The following MAML2 variants were observed in gnomAD, a reference collection of about 807,000 sequenced individuals.
MAML2 encodes mastermind like transcriptional coactivator 2, also known as mastermind-like protein 2.
A neutral mutation model predicts 96.1 loss-of-function variants in MAML2; 22 were observed. The observed-to-expected ratio is 0.23, with a 90% CI of 0.16 to 0.33. MAML2 has a LOEUF of 0.33. MAML2 is among the 10% of genes least tolerant of loss of function. The pLI, the probability that MAML2 is intolerant of heterozygous loss-of-function variation, is 1.00. For missense variants in MAML2, 1,367 were observed against 1,392.4 expected (o/e 0.98, Z 0.29); for synonymous variants, 561 against 521.3 (o/e 1.08, Z -1.04).
intron 1 of MAML2, among the ~76,000 whole-genome samples, chr11:96,108,672 C>A (rs1452701127): frequency 2.6e-5 from 4 of 152,062 alleles, no homozygotes; most frequent in African/African-American, 9.7e-5. Context: ...GCTATTAAAT[C>A]CTTACAACAA....
chr11:96,339,190 CAG>C (rs1863956965), intron 1 of MAML2, among the ~76,000 whole-genome samples: 1 of 152,176 alleles, frequency 6.6e-6, no homozygotes, highest in Non-Finnish European at 1.5e-5. Flanking sequence ...GGGAATGTCT[CAG>C]GAGATGGCTG....
intron 1 of MAML2, among the ~76,000 whole-genome samples, chr11:96,324,720 C>T (rs1277680850): frequency 6.6e-6 from 1 of 152,190 alleles, no homozygotes; most frequent in Non-Finnish European, 1.5e-5. Context: ...GATTCAAAAT[C>T]ACTTCTCAGC....
chr11:96,169,917 T>C (rs1482472198), intron 1 of MAML2, among the ~76,000 whole-genome samples: 1 of 152,212 alleles, frequency 6.6e-6, no homozygotes, highest in Non-Finnish European at 1.5e-5. Flanking sequence ...CCTCCCAAAG[T>C]ATTGGGATTG....
chr11:96,170,492 A>G (rs1348363078), intron 1 of MAML2, among the ~76,000 whole-genome samples: 1 of 152,214 alleles, frequency 6.6e-6, no homozygotes, highest in Non-Finnish European at 1.5e-5. Flanking sequence ...AGCTTTTTAG[A>G]AAATTGAAGG....
At chr11:95,996,071 T>C (rs1857987046) in intron 2 of MAML2, among the ~76,000 whole-genome samples, 1 of 142,454 alleles carries the variant, frequency 7.0e-6, no homozygotes, top group South Asian at 2.3e-4. Flanking sequence ...GAAGGAAAAA[T>C]CAATCAATCA....
chr11:96,142,167 C>A (rs990351907), intron 1 of MAML2, among the ~76,000 whole-genome samples: 2 of 152,136 alleles, frequency 1.3e-5, no homozygotes, highest in East Asian at 1.9e-4. Context: ...ATATGAGGGG[C>A]ACCTAACCCC....
rs559951436 is a variant in MAML2 at position 96,227,165 on chromosome 11, G to T, written c.513+114218C>A. Among the ~76,000 whole-genome samples the T allele has an allele frequency of 1.9e-4, 29 of 152,266 alleles. No homozygotes were observed. In the South Asian group the frequency reaches 6.0e-3, roughly 32 times the overall value. ...TAATCCTTCAGATCTGAAAGCATGTGCCCCTTTCTTCGGGAAGTTCTCCTT... is the reference window on the plus strand; with the variant it reads ...TAATCCTTCAGATCTGAAAGCATGTTCCCCTTTCTTCGGGAAGTTCTCCTT... On this transcript the variant is annotated intron_variant, in intron 1 of 4. Transcript: ENST00000524717.
intron 1 of MAML2, among the ~76,000 whole-genome samples, chr11:96,233,570 G>A (rs1323353318): frequency 6.6e-6 from 1 of 152,038 alleles, no homozygotes; most frequent in African/African-American, 2.4e-5. Context: ...ACCACATCCA[G>A]CTAATTTTTA....
chr11:96,192,479 C>T (rs913674732), intron 1 of MAML2, among the ~76,000 whole-genome samples: 2 of 152,192 alleles, frequency 1.3e-5, no homozygotes, highest in African/African-American at 2.4e-5. Flanking sequence ...TGTACAAAGA[C>T]TTCCAAGGAT....
chr11:96,088,194 G>T (rs535100740), intron 2 of MAML2, among the ~76,000 whole-genome samples: 1 of 152,144 alleles, frequency 6.6e-6, no homozygotes, highest in Non-Finnish European at 1.5e-5. Flanking sequence ...TGAGGAACTT[G>T]GCTTTAAACT....
chr11:96,011,587 G>A (rs1858267581), intron 2 of MAML2, among the ~76,000 whole-genome samples: 1 of 152,104 alleles, frequency 6.6e-6, no homozygotes, highest in African/African-American at 2.4e-5. Flanking sequence ...GTGGGAGAGA[G>A]GCTGGGGCAG....
At chr11:96,246,818 G>A (rs1032041024) in intron 1 of MAML2, among the ~76,000 whole-genome samples, 3 of 152,096 alleles carry the variant, frequency 2.0e-5, no homozygotes, top group Non-Finnish European at 4.4e-5. Context: ...TGAGGAAACC[G>A]TTGTGGACAC....
At position 95,978,128 on chromosome 11, in the gene MAML2, T is replaced by A. The variant is rs965894342; in HGVS notation, c.*820A>T. 4.7e-6 allele frequency: 1 copy of A among 213,368 alleles called. No homozygotes were observed. Among genetic ancestry groups the A allele is most frequent in the African/African-American group, 2.3e-5 (1 of 44,254 alleles). The allele number at this position is 213,368 out of a possible 1,614,324, so 13.2% of individuals were successfully genotyped here. On this transcript the variant is annotated 3_prime_UTR_variant, in exon 5 of 5. Coordinates refer to ENST00000524717, the MANE Select transcript of MAML2 (RefSeq NM_032427.4). ...GCCAAATAAATCTTATTTATAGCAATGTCCACTGGGTTTTTTAAAAAAGTG... is the reference window on the plus strand; with the variant it reads ...GCCAAATAAATCTTATTTATAGCAAAGTCCACTGGGTTTTTTAAAAAAGTG...
At chr11:96,109,353 A>T (rs1860080831) in intron 1 of MAML2, among the ~76,000 whole-genome samples, 1 of 152,186 alleles carries the variant, frequency 6.6e-6, no homozygotes, top group Non-Finnish European at 1.5e-5. Flanking sequence ...GTGGACTTCA[A>T]GCAGGGGAGT....
intron 1 of MAML2, among the ~76,000 whole-genome samples, chr11:96,218,947 G>T (rs1862092138): frequency 6.6e-6 from 1 of 152,162 alleles, no homozygotes; most frequent in Non-Finnish European, 1.5e-5. Flanking sequence ...GGGGGCACTT[G>T]AATTATGATC....
At chr11:95,984,894 G>A (rs952951305) in intron 4 of MAML2, among the ~76,000 whole-genome samples, 1 of 152,198 alleles carries the variant, frequency 6.6e-6, no homozygotes, top group Non-Finnish European at 1.5e-5. Context: ...AGAAGGCAGA[G>A]CAATATAGGC....
intron 2 of MAML2, among the ~76,000 whole-genome samples, chr11:95,998,122 A>AGTCTGTCTGTCTG (rs1858021266): frequency 8.5e-6 from 1 of 117,384 alleles, no homozygotes; most frequent in African/African-American, 3.1e-5. Flanking sequence ...TTTTCTATCT[A>AGTCTGTCTGTCTG]TCTGTCTGTC....
At chr11:96,257,589 T>G (rs559203619) in intron 1 of MAML2, among the ~76,000 whole-genome samples, 2 of 152,324 alleles carry the variant, frequency 1.3e-5, no homozygotes, top group Non-Finnish European at 2.9e-5. Context: ...GTCTTCATTA[T>G]AGAGAAAAAC....
At chr11:96,055,104 T>C (rs1859042886) in intron 2 of MAML2, among the ~76,000 whole-genome samples, 1 of 152,212 alleles carries the variant, frequency 6.6e-6, no homozygotes, top group Admixed American at 6.5e-5. Flanking sequence ...AACAGGATAC[T>C]GATACATTGA....
Sources: allele counts gnomAD v4.1 joint callset (sites outside exome capture counted in the v4.1 genomes callset), GRCh38; gene constraint gnomAD v4.1.1; transcripts MANE v1.5; gene names NCBI Gene and HGNC (gene_info 2026-07-23, HGNC 2026-07-21).